MGAT4A: variants seen among roughly 807,000 people sequenced by gnomAD.
MGAT4A encodes alpha-1,3-mannosyl-glycoprotein 4-beta-N-acetylglucosaminyltransferase A.
MGAT4A carries 33 observed loss-of-function variants against 74.1 expected under a neutral mutation model. The ratio of observed to expected loss-of-function variants is 0.45; its 90% CI spans 0.34 to 0.60. The LOEUF (loss-of-function observed/expected upper bound fraction) is 0.60. MGAT4A is among the 20% of genes least tolerant of loss of function. MGAT4A has a pLI of 0.02. For missense variants in MGAT4A, 479 were observed against 628.3 expected (o/e 0.76, Z 2.54); for synonymous variants, 198 against 210.4 (o/e 0.94, Z 0.51).
chr2:98,724,301 T>C (rs866124613), intron 2 of MGAT4A, among the ~76,000 whole-genome samples: 1 of 152,230 alleles, frequency 6.6e-6, no homozygotes, highest in Non-Finnish European at 1.5e-5. Context: ...ATGGGTATAT[T>C]AGAATTGAGT....
chr2:98,696,590 G>A (rs1190182880), intron 2 of MGAT4A, among the ~76,000 whole-genome samples: 1 of 152,200 alleles, frequency 6.6e-6, no homozygotes, highest in African/African-American at 2.4e-5. Context: ...ACTAGAAAGG[G>A]GAAATAAGTA....
At chr2:98,682,170 C>G (rs1702068776) in intron 2 of MGAT4A, among the ~76,000 whole-genome samples, 1 of 152,160 alleles carries the variant, frequency 6.6e-6, no homozygotes, top group African/African-American at 2.4e-5. Flanking sequence ...CGCCTGTAAT[C>G]CCAGCACTTT....
intron 2 of MGAT4A, among the ~76,000 whole-genome samples, chr2:98,705,535 G>A (rs560732223): frequency 4.1e-4 from 63 of 152,286 alleles, no homozygotes; most frequent in African/African-American, 1.5e-3. Context: ...CCCTGCTCTG[G>A]ACAGTAAATC....
intron 3 of MGAT4A, among the ~76,000 whole-genome samples, chr2:98,678,034 C>T (rs1248382205): frequency 6.6e-6 from 1 of 150,414 alleles, no homozygotes; most frequent in East Asian, 1.9e-4. Flanking sequence ...TCAAGACCAT[C>T]CTGGCTAACA....
intron 1 of MGAT4A, chr2:98,726,972 G>A (rs1702774130): frequency 6.6e-6 from 1 of 150,828 alleles, no homozygotes; most frequent in Admixed American, 6.6e-5. Context: ...AAAATTGACA[G>A]AATACAATAT....
At chr2:98,719,120 A>G (rs1306388729) in intron 2 of MGAT4A, among the ~76,000 whole-genome samples, 2 of 152,178 alleles carry the variant, frequency 1.3e-5, no homozygotes, top group African/African-American at 2.4e-5. Context: ...AGAGTGTGGG[A>G]GCTAGCTTGC....
At chr2:98,655,639 C>T in intron 7 of MGAT4A, 119 bp from the exon 8 acceptor site, 3 of 574,484 alleles carry the variant, frequency 5.2e-6, no homozygotes, top group Non-Finnish European at 9.1e-6. Context: ...TGTGTACACA[C>T]ACACACATAC....
At chr2:98,664,075 C>T (rs1006203318) in intron 4 of MGAT4A, among the ~76,000 whole-genome samples, 1 of 151,754 alleles carries the variant, frequency 6.6e-6, no homozygotes, top group Admixed American at 6.6e-5. Flanking sequence ...GGCATGGTGG[C>T]GCACACCTAT....
chr2:98,639,205 T>C (rs968687775), intron 12 of MGAT4A, among the ~76,000 whole-genome samples: 1 of 151,872 alleles, frequency 6.6e-6, no homozygotes, highest in Non-Finnish European at 1.5e-5. Context: ...GAGAATCTTT[T>C]GAACCAAGGA....
In MGAT4A at chr2:98,656,481, T is replaced by TTTCTAA; in HGVS notation, c.585-17_585-16insTTAGAA. On this transcript the variant is annotated splice_polypyrimidine_tract_variant and intron_variant, in intron 6 of 15. Coordinates refer to ENST00000393487, the MANE Select transcript of MGAT4A (RefSeq NM_012214.3). ...TTTAGAAAATCTATTATGAGAAAGT[T>TTTCTAA]AGCTGAGTTACTTAAGTTCTGTGGG... is the stretch of plus-strand genomic sequence containing the variant. The TTTCTAA allele has an allele frequency of 6.6e-7, 1 of 1,520,050 alleles. No individual in the cohort carries two copies. The allele number at this position is 1,520,050 out of a possible 1,614,324, so 94.2% of individuals were successfully genotyped here.
intron 14 of MGAT4A, among the ~76,000 whole-genome samples, chr2:98,627,655 C>T (rs1256812877): frequency 2.6e-5 from 4 of 152,136 alleles, no homozygotes; most frequent in East Asian, 1.9e-4. Context: ...GGCTCACAAG[C>T]GTGAGCCACC....
chr2:98,625,696 T>C, intron 15 of MGAT4A, 27 bp downstream of exon 15: 1 of 1,580,990 alleles, frequency 6.3e-7, no homozygotes, highest in Non-Finnish European at 8.6e-7. Context: ...GTTTCTAAGT[T>C]GTTTCACTGA....
rs1701060007 is a variant in MGAT4A, at chr2:98,621,499, C to A, written c.*4067G>T. ...GACTTCTGCCACCAGCCCGAGAAAA[C>A]TCTCTGCTTTTAAAGGAGTCACAAG... On this transcript the variant is annotated 3_prime_UTR_variant, in exon 16 of 16. Coordinates refer to ENST00000393487, the MANE Select transcript of MGAT4A (RefSeq NM_012214.3). 1 of 1,551,542 alleles carries A rather than the reference C, an allele frequency of 6.4e-7. No homozygotes were observed. Among genetic ancestry groups the A allele is most frequent in the African/African-American group, 1.4e-5 (1 of 73,056 alleles).
chr2:98,667,014 C>A (rs1559163901), intron 4 of MGAT4A, among the ~76,000 whole-genome samples: 1 of 152,174 alleles, frequency 6.6e-6, no homozygotes, highest in Non-Finnish European at 1.5e-5. Context: ...GGGGGCAAAT[C>A]TTTCCTGTGC....
intron 2 of MGAT4A, among the ~76,000 whole-genome samples, chr2:98,716,156 A>C (rs1236986642): frequency 6.7e-6 from 1 of 149,894 alleles, no homozygotes; most frequent in Admixed American, 6.6e-5. Context: ...CTGTCTCTAC[A>C]AAAAATTTTT....
intron 8 of MGAT4A, among the ~76,000 whole-genome samples, chr2:98,649,335 C>G (rs1020912220): frequency 6.6e-6 from 1 of 152,102 alleles, no homozygotes; most frequent in African/African-American, 2.4e-5. Context: ...AGACACATTC[C>G]CCACACGAGA....
intron 4 of MGAT4A, 87 bp downstream of exon 4, chr2:98,674,948 C>T (rs1701958467): frequency 1.4e-6 from 2 of 1,387,956 alleles, no homozygotes; most frequent in Admixed American, 2.4e-5. Flanking sequence ...ATTTTTTGAC[C>T]TCCCAGACTT....
chr2:98,702,577 C>G (rs891484445), intron 2 of MGAT4A, among the ~76,000 whole-genome samples: 2 of 152,226 alleles, frequency 1.3e-5, no homozygotes, highest in African/African-American at 4.8e-5. Context: ...CACAGAGGAG[C>G]TGTAAAAGGA....
chr2:98,642,657 G>A (rs145020786), intron 10 of MGAT4A, among the ~76,000 whole-genome samples: 111 of 152,296 alleles, frequency 7.3e-4, no homozygotes, highest in East Asian at 3.7e-3. Flanking sequence ...TAAAGATGAC[G>A]TTAACTTTTT....
Sources: allele counts gnomAD v4.1 joint callset (sites outside exome capture counted in the v4.1 genomes callset), GRCh38; gene constraint gnomAD v4.1.1; transcripts MANE v1.5; gene names NCBI Gene and HGNC (gene_info 2026-07-23, HGNC 2026-07-21).